TSPAN8: variants seen among roughly 807,000 people sequenced by gnomAD.
The protein encoded by TSPAN8 is tetraspanin-8.
Under a neutral mutation model 32.8 loss-of-function variants are expected in TSPAN8, and 21 were observed. That is an observed-to-expected ratio of 0.64 (90% confidence interval 0.45 to 0.92). TSPAN8 has a LOEUF of 0.92. Among genes scored for constraint, TSPAN8 ranks in the 40% least tolerant of loss-of-function variants. TSPAN8 has a pLI of 0.00. For missense variants in TSPAN8, 269 were observed against 281.9 expected (o/e 0.95, Z 0.33); for synonymous variants, 95 against 94.6 (o/e 1.00, Z -0.03).
intron 8 of TSPAN8, among the ~76,000 whole-genome samples, chr12:71,128,641 G>GTTT (rs201862566): frequency 3.1e-4 from 43 of 139,176 alleles, no homozygotes; most frequent in Admixed American, 5.0e-4. Flanking sequence ...TATCTTTCAG[G>GTTT]TTTTTTTTTT....
At chr12:71,152,892 A>G (rs1257318110) in intron 2 of TSPAN8, among the ~76,000 whole-genome samples, 1 of 152,228 alleles carries the variant, frequency 6.6e-6, no homozygotes, top group African/African-American at 2.4e-5. Context: ...TCAATAAAAT[A>G]CAATGATGAA....
At chr12:71,154,932 T>C (rs1044256245) in intron 2 of TSPAN8, among the ~76,000 whole-genome samples, 1 of 152,184 alleles carries the variant, frequency 6.6e-6, no homozygotes, top group African/African-American at 2.4e-5. Flanking sequence ...AAGCTCCTGA[T>C]GGCCAGAGAT....
At chr12:71,131,236 G>A (rs1390251829) in intron 7 of TSPAN8, among the ~76,000 whole-genome samples, 1 of 152,026 alleles carries the variant, frequency 6.6e-6, no homozygotes, top group African/African-American at 2.4e-5. Flanking sequence ...AGGGGAGCAG[G>A]GAGAATATAA....
At chr12:71,147,675 A>C (rs1872119730) in intron 2 of TSPAN8, among the ~76,000 whole-genome samples, 3 of 152,192 alleles carry the variant, frequency 2.0e-5, no homozygotes, top group Non-Finnish European at 4.4e-5. Context: ...TAAAAGTCTT[A>C]GTTCAATTGT....
At chr12:71,142,849 A>AAC (rs57070394) in intron 3 of TSPAN8, among the ~76,000 whole-genome samples, 4,674 of 139,778 alleles carry the variant, frequency 0.033, 205 homozygotes, top group African/African-American at 0.091. Flanking sequence ...GAAAAAAACA[A>AAC]AAAAAAAAAA....
intron 8 of TSPAN8, among the ~76,000 whole-genome samples, chr12:71,128,971 T>C (rs1871430201): frequency 6.6e-6 from 1 of 150,656 alleles, no homozygotes. Flanking sequence ...TTGCTTTGTT[T>C]GGTGCTTTTT....
At chr12:71,125,425 G>A (rs755361347) in intron 8 of TSPAN8, 38 bp from the exon 9 acceptor site, 20 of 1,528,498 alleles carry the variant, frequency 1.3e-5, no homozygotes, top group Non-Finnish European at 1.8e-5. Flanking sequence ...TGGAATTTAA[G>A]GGAAAACACT....
At chr12:71,157,406 C>A (rs1872478550) in intron 2 of TSPAN8, 3 of 467,486 alleles carry the variant, frequency 6.4e-6, no homozygotes, top group Non-Finnish European at 3.8e-6. Flanking sequence ...AAATGTTTAT[C>A]CTCACATTCT....
At position 71,138,146 on chromosome 12, in the gene TSPAN8, G is replaced by A. The variant is rs373211571; in HGVS notation, c.336+10C>T. On this transcript the variant is annotated intron_variant, in intron 5 of 8. Transcript: ENST00000247829. ...ACTTCTTCAAAATTTTCAAACATCTGTGCACACACCTTAGATTTGAAAACA... is the reference window on the plus strand; with the variant it reads ...ACTTCTTCAAAATTTTCAAACATCTATGCACACACCTTAGATTTGAAAACA... 23 of 1,613,784 alleles carry A rather than the reference G, an allele frequency of 1.4e-5. No individual in the cohort carries two copies. Among genetic ancestry groups the A allele is most frequent in the Non-Finnish European group, 1.9e-5 (22 of 1,179,916 alleles).
intron 6 of TSPAN8, among the ~76,000 whole-genome samples, chr12:71,136,801 C>T (rs559180327): frequency 2.6e-5 from 4 of 152,108 alleles, no homozygotes; most frequent in Admixed American, 6.5e-5. Flanking sequence ...GTTAGACCTC[C>T]CTAAAACCCA....
chr12:71,149,355 C>A (rs1415168278), intron 2 of TSPAN8, among the ~76,000 whole-genome samples: 23 of 135,114 alleles, frequency 1.7e-4, no homozygotes, highest in African/African-American at 5.8e-4. Context: ...GCAACAAGAG[C>A]AAAACTCTTG....
At chr12:71,134,681 T>C (rs908055545) in intron 6 of TSPAN8, among the ~76,000 whole-genome samples, 14 of 152,222 alleles carry the variant, frequency 9.2e-5, no homozygotes, top group African/African-American at 3.1e-4. Context: ...TATTCACTGA[T>C]ACAGATACCC....
intron 4 of TSPAN8, among the ~76,000 whole-genome samples, chr12:71,138,942 T>C (rs550452888): frequency 2.6e-4 from 39 of 151,706 alleles, no homozygotes; most frequent in Non-Finnish European, 3.7e-4. Flanking sequence ...TTTTATGTCA[T>C]ATTTGTATCT....
intron 2 of TSPAN8, among the ~76,000 whole-genome samples, 191 bp from the exon 3 acceptor site, chr12:71,144,404 G>A (rs1413514031): frequency 2.0e-5 from 3 of 152,114 alleles, no homozygotes; most frequent in East Asian, 1.9e-4. Context: ...TAAGTTTGAT[G>A]AGAATAATTC....
At chr12:71,138,093 G>T in intron 5 of TSPAN8, 33 bp from the exon 6 acceptor site, 2 of 1,610,214 alleles carry the variant, frequency 1.2e-6, no homozygotes, top group East Asian at 2.2e-5. Context: ...CATTATTCAC[G>T]CCACAAGGTA....
At position 71,157,925 on chromosome 12, in the gene TSPAN8, C is replaced by T. The variant is rs2137065726; in HGVS notation, c.-110+5G>A. The T allele has an allele frequency of 2.1e-6, 1 of 471,248 alleles. No individual in the cohort carries two copies. Among genetic ancestry groups the T allele is most frequent in the East Asian group, 3.2e-5 (1 of 31,462 alleles). The allele number at this position is 471,248 out of a possible 1,614,324, so 29.2% of individuals were successfully genotyped here. ...ATTTAAATATCTCAAAGGCTATTAA[C>T]TCACACATTTAAATATCGCAAAGGC... is the stretch of plus-strand genomic sequence containing the variant. On this transcript the variant is annotated splice_donor_5th_base_variant and intron_variant, in intron 1 of 8. Coordinates refer to ENST00000247829, the MANE Select transcript of TSPAN8 (RefSeq NM_004616.3).
Position 71,132,819 on chromosome 12 carries a change from T to C in TSPAN8, c.450A>G (p.Lys150=), listed in dbSNP as rs779537041. 6 of 1,613,768 alleles carry C rather than the reference T, an allele frequency of 3.7e-6. No homozygotes were observed. Among genetic ancestry groups the C allele is most frequent in the Non-Finnish European group, 4.2e-6 (5 of 1,179,914 alleles). ...CAGCTCCATTGACCAAACCGCAGCATTTAAACTGTTTGATAAAAGGTAGAA... is the reference window on the plus strand; with the variant it reads ...CAGCTCCATTGACCAAACCGCAGCACTTAAACTGTTTGATAAAAGGTAGAA... The part of the protein sequence containing the change: ...EAIIVFQEEF[K]CCGLVNGAAD... The change falls in exon 7 of 9, where the codon AAA becomes AAG. Residue 150 remains lysine, a synonymous_variant. Coordinates refer to ENST00000247829, the MANE Select transcript of TSPAN8 (RefSeq NM_004616.3).
chr12:71,132,002 A>C (rs1331899424), intron 7 of TSPAN8, among the ~76,000 whole-genome samples: 1 of 152,214 alleles, frequency 6.6e-6, no homozygotes, highest in Non-Finnish European at 1.5e-5. Context: ...AGCTTGGCGC[A>C]TAGGAGGTGG....
chr12:71,131,904 A>C (rs1010699713), intron 7 of TSPAN8, among the ~76,000 whole-genome samples: 2 of 151,918 alleles, frequency 1.3e-5, no homozygotes, highest in Non-Finnish European at 2.9e-5. Flanking sequence ...TTGCCTAACT[A>C]TCTTTCTCTC....
Sources: gnomAD v4.1 joint callset for allele counts (sites outside exome capture counted in the v4.1 genomes callset) on GRCh38, gnomAD v4.1.1 for gene constraint, MANE v1.5 for transcripts, NCBI Gene and HGNC (gene_info 2026-07-23, HGNC 2026-07-21) for gene names.